The following CCDC146 variants were observed in gnomAD, a reference collection of about 807,000 sequenced individuals.
CCDC146 encodes the protein coiled-coil domain containing 146.
A neutral mutation model predicts 119.3 loss-of-function variants in CCDC146; 92 were observed. The observed-to-expected ratio is 0.77, with a 90% CI of 0.65 to 0.92. The LOEUF is 0.92. CCDC146 is among the 40% of genes least tolerant of loss of function. CCDC146 has a pLI of 0.00. For missense variants in CCDC146, 1,000 were observed against 1,103.0 expected (o/e 0.91, Z 1.32); for synonymous variants, 372 against 371.8 (o/e 1.00, Z -0.01).
chr7:77,235,673 T>C (rs1584098363), intron 2 of CCDC146, among the ~76,000 whole-genome samples: 2 of 152,184 alleles, frequency 1.3e-5, no homozygotes, highest in East Asian at 1.9e-4. Flanking sequence ...AAGATCTCCC[T>C]GGCAGAAGGG....
In CCDC146 at chr7:77,249,380, C is replaced by T. The variant is rs772313361; in HGVS notation, c.450-5126C>T. Among the ~76,000 whole-genome samples the T allele has an allele frequency of 4.6e-5, 7 of 151,122 alleles. No individual in the cohort carries two copies. The South Asian group carries it at 6.3e-4, about 14-fold the overall frequency. On this transcript the variant is annotated intron_variant, in intron 4 of 18. Coordinates refer to ENST00000285871, the MANE Select transcript of CCDC146 (RefSeq NM_020879.3). ...GTGCACACCTGTAGTCCCAGCTACT[C>T]GGGAGGCTGAGGCAGGAGATTCTCT... is the stretch of plus-strand genomic sequence containing the variant.
rs1350764159 is a variant in CCDC146, at chr7:77,278,917, AAC to A, written c.1530-17_1530-16del. On this transcript the variant is annotated intron_variant, in intron 12 of 18. Transcript: ENST00000285871. Reference sequence around the variant, plus strand: ...GATGTTCATTTCATAAGTTTCAGTAAACACTTTGTATTTTTACAGACTGAGAG... The same window carrying A: ...GATGTTCATTTCATAAGTTTCAGTAAACTTTGTATTTTTACAGACTGAGAG... 1 of 1,605,998 alleles carries A rather than the reference AAC, an allele frequency of 6.2e-7. No individual in the cohort carries two copies. Among genetic ancestry groups the A allele is most frequent in the South Asian group, 1.1e-5 (1 of 89,730 alleles).
At chr7:77,231,744 T>C (rs544452883) in intron 2 of CCDC146, among the ~76,000 whole-genome samples, 1 of 152,190 alleles carries the variant, frequency 6.6e-6, no homozygotes, top group African/African-American at 2.4e-5. Flanking sequence ...AACATATTTA[T>C]AATATTTTCT....
chr7:77,222,975 C>T (rs183806082), intron 2 of CCDC146, among the ~76,000 whole-genome samples: 93 of 152,302 alleles, frequency 6.1e-4, no homozygotes, highest in Non-Finnish European at 4.0e-4. Context: ...TTCCTGACTC[C>T]GACTGTGTTC....
At chr7:77,204,702 C>G (rs1382014992) in intron 2 of CCDC146, among the ~76,000 whole-genome samples, 1 of 152,194 alleles carries the variant, frequency 6.6e-6, no homozygotes, top group Non-Finnish European at 1.5e-5. Context: ...CAGTCAATAC[C>G]TATCAACAAA....
chr7:77,203,378 A>T (rs1202962468), intron 2 of CCDC146, among the ~76,000 whole-genome samples: 1 of 140,846 alleles, frequency 7.1e-6, no homozygotes, highest in African/African-American at 2.9e-5. Context: ...TTGACAAGCC[A>T]CCAAATGCAA....
At chr7:77,160,086 C>T (rs146789999) in intron 1 of CCDC146, among the ~76,000 whole-genome samples, 26 of 152,070 alleles carry the variant, frequency 1.7e-4, no homozygotes, top group Non-Finnish European at 2.6e-4. Context: ...TGTAGATATG[C>T]GACGCTATTT....
chr7:77,259,072 T>A lies in CCDC146; in HGVS notation c.758+4T>A. 6.4e-7 allele frequency: 1 copy of A among 1,566,302 alleles called. No individual in the cohort carries two copies. Among genetic ancestry groups the A allele is most frequent in the Non-Finnish European group, 8.8e-7 (1 of 1,138,236 alleles). On this transcript the variant is annotated splice_donor_region_variant and intron_variant, in intron 7 of 18. Coordinates refer to ENST00000285871, the MANE Select transcript of CCDC146 (RefSeq NM_020879.3). ...AAAAAATAACACGCAAAAAAGTGTA[T>A]GATTTAATATTTTTACTTTGAATCC...
intron 15 of CCDC146, 126 bp from the exon 16 acceptor site, chr7:77,286,672 C>A: frequency 2.4e-6 from 2 of 842,444 alleles, no homozygotes; most frequent in Non-Finnish European, 3.8e-6. Flanking sequence ...GTTAAGAAAA[C>A]AGAGTTCTCT....
chr7:77,265,192 G>A lies in CCDC146; in HGVS notation c.1173+2885G>A, dbSNP rs562326075. On this transcript the variant is annotated intron_variant, in intron 9 of 18. Transcript: ENST00000285871. ...GTCATAGTAAGATTTATAGTAGACC[G>A]CAGTTATAATGTCCATTCAAAGTAC... Among the ~76,000 whole-genome samples the A allele has an allele frequency of 3.9e-4, 60 of 152,326 alleles. 2 individuals carry two copies. In the South Asian group the frequency reaches 9.5e-3, roughly 24 times the overall value.
chr7:77,281,910 C>T (rs1212402029), intron 14 of CCDC146, among the ~76,000 whole-genome samples: 1 of 152,232 alleles, frequency 6.6e-6, no homozygotes, highest in Non-Finnish European at 1.5e-5. Flanking sequence ...AAACAGTGTG[C>T]ACCCAGGTGC....
At chr7:77,169,482 G>C (rs1791385245) in intron 2 of CCDC146, among the ~76,000 whole-genome samples, 2 of 151,602 alleles carry the variant, frequency 1.3e-5, no homozygotes, top group Admixed American at 1.3e-4. Flanking sequence ...TACTTACCCA[G>C]ATCAACTCTT....
At position 77,241,719 on chromosome 7, in the gene CCDC146, C is replaced by G; in HGVS notation, c.268C>G (p.Gln90Glu). 1 of 1,613,962 alleles carries G rather than the reference C, an allele frequency of 6.2e-7. No individual in the cohort carries two copies. The highest frequency in any genetic ancestry group is 8.5e-7 in the Non-Finnish European group (1 of 1,180,020). Residue 90 changes from glutamine to glutamate, a missense_variant, in exon 4 of 19, where the codon CAG becomes GAG. Physicochemically the swap from Gln to Glu is conservative, Grantham distance 29. Around this residue, in one of 2 missense-constraint regions of CCDC146, gnomAD observed 985 missense variants for 1,045.3 expected, o/e 0.94. Coordinates refer to ENST00000285871, the MANE Select transcript of CCDC146 (RefSeq NM_020879.3). ...STQESEVQLL[Q>E]NAKRFTEQIQ... Reference sequence around the variant, plus strand: ...ACAAGAGTCAGAGGTCCAACTGCTACAGAATGCCAAACGTTTCACTGAGCA... The same window carrying G: ...ACAAGAGTCAGAGGTCCAACTGCTAGAGAATGCCAAACGTTTCACTGAGCA...
intron 2 of CCDC146, among the ~76,000 whole-genome samples, chr7:77,234,726 A>G (rs1792701195): frequency 1.3e-5 from 2 of 152,100 alleles, no homozygotes; most frequent in Admixed American, 6.5e-5. Flanking sequence ...CAGAGCGACA[A>G]TCCATCTCTG....
At chr7:77,253,511 T>G (rs7798080) in intron 4 of CCDC146, among the ~76,000 whole-genome samples, 1,605 of 152,322 alleles carry the variant, frequency 0.011, 32 homozygotes, top group African/African-American at 0.036. Context: ...CCGTATCTCA[T>G]TCAGCACATA....
chr7:77,130,848 G>C (rs6943193), intron 1 of CCDC146, among the ~76,000 whole-genome samples: 88,313 of 148,546 alleles, frequency 0.59, 26,563 homozygotes, highest in African/African-American at 0.63. Flanking sequence ...CCGCCCGTCT[G>C]GGCCTCCCAA....
chr7:77,204,324 G>T (rs1792047168), intron 2 of CCDC146, among the ~76,000 whole-genome samples: 1 of 151,936 alleles, frequency 6.6e-6, no homozygotes, highest in African/African-American at 2.4e-5. Context: ...TTCATGAAAA[G>T]AACTTAAAAA....
At chr7:77,260,550 T>C (rs986923217) in intron 8 of CCDC146, among the ~76,000 whole-genome samples, 1 of 152,240 alleles carries the variant, frequency 6.6e-6, no homozygotes, top group Admixed American at 6.5e-5. Context: ...AAATGAATGA[T>C]ACTTCTTAGG....
At chr7:77,159,253 A>C (rs567533358) in intron 1 of CCDC146, among the ~76,000 whole-genome samples, 21 of 152,084 alleles carry the variant, frequency 1.4e-4, no homozygotes, top group African/African-American at 4.8e-4. Flanking sequence ...AGATCTTCAA[A>C]ACTTATTTAT....
Sources: gnomAD v4.1 joint callset for allele counts (sites outside exome capture counted in the v4.1 genomes callset) on GRCh38, gnomAD v4.1.1 for gene constraint, gnomAD v4.1.1 regional missense constraint, MANE v1.5 for transcripts, NCBI Gene and HGNC (gene_info 2026-07-23, HGNC 2026-07-21) for gene names.